FRMPD4: variants seen among roughly 807,000 people sequenced by gnomAD.
FRMPD4 encodes the protein FERM and PDZ domain containing 4.
Under a neutral mutation model 94.1 loss-of-function variants are expected in FRMPD4, and 22 were observed. The ratio of observed to expected loss-of-function variants is 0.23; its 90% CI spans 0.17 to 0.33. FRMPD4 has a LOEUF of 0.33. Among genes scored for constraint, FRMPD4 ranks in the 10% least tolerant of loss-of-function variants. The pLI, the probability that FRMPD4 is intolerant of heterozygous loss-of-function variation, is 1.00. For missense variants in FRMPD4, 1,111 were observed against 1,339.9 expected (o/e 0.83, Z 2.67); for synonymous variants, 631 against 548.6 (o/e 1.15, Z -2.10).
intron 1 of FRMPD4, among the ~76,000 whole-genome samples, chrX:12,475,484 A>C (rs916505075): frequency 8.1e-5 from 9 of 111,718 alleles, no homozygotes; most frequent in African/African-American, 2.9e-4. Context: ...AGGAGAAGGA[A>C]ATAAAGGGTA....
intron 1 of FRMPD4, among the ~76,000 whole-genome samples, chrX:12,467,066 C>G (rs956029455): frequency 9.1e-6 from 1 of 110,464 alleles, no homozygotes; most frequent in Admixed American, 9.8e-5. Context: ...TGAGTGCATG[C>G]TTGCTTGCTC....
chrX:12,069,447 T>TG (rs2054948011), intron 3 of FRMPD4, among the ~76,000 whole-genome samples: 1 of 111,923 alleles, frequency 8.9e-6, no homozygotes, highest in South Asian at 3.8e-4. Flanking sequence ...CAACTTGTGA[T>TG]GGCATCTTAA....
intron 3 of FRMPD4, among the ~76,000 whole-genome samples, chrX:12,088,656 C>CAGCT (rs994270252): frequency 8.9e-6 from 1 of 111,843 alleles, no homozygotes; most frequent in African/African-American, 3.3e-5. Context: ...CTGAGTAGAA[C>CAGCT]AGCTGTTCTT....
chrX:12,156,491 A>T (rs918905024), intron 1 of FRMPD4, among the ~76,000 whole-genome samples: 4 of 111,724 alleles, frequency 3.6e-5, no homozygotes, highest in African/African-American at 1.3e-4. Flanking sequence ...TTACGGACTG[A>T]TTCATCGGCT....
chrX:11,870,353 C>A (rs2147304946), intron 2 of FRMPD4, among the ~76,000 whole-genome samples: 1 of 112,002 alleles, frequency 8.9e-6, no homozygotes, highest in African/African-American at 3.2e-5. Context: ...TGAGCCCAGC[C>A]TGGCAACGCC....
At chrX:12,117,307 A>G (rs746278612) in intron 3 of FRMPD4, among the ~76,000 whole-genome samples, 3 of 111,289 alleles carry the variant, frequency 2.7e-5, no homozygotes, top group Non-Finnish European at 5.7e-5. Flanking sequence ...TAAAATTTCA[A>G]TAGTTTTGGG....
chrX:12,412,492 C>G (rs2148068831), intron 1 of FRMPD4, among the ~76,000 whole-genome samples: 1 of 112,361 alleles, frequency 8.9e-6, no homozygotes, highest in Non-Finnish European at 1.9e-5. Flanking sequence ...AACTCTTAAT[C>G]CATATTCTGG....
At position 12,364,125 on chromosome X, in the gene FRMPD4, A is replaced by C. The variant is rs757482033; in HGVS notation, c.42-134555A>C. ...TGAGGAATCAGATCCTCCACCCCCA[A>C]GCCCTACCCCACTGCCACACACACA... On this transcript the variant is annotated intron_variant, in intron 1 of 16. Transcript: ENST00000675598. 4.5e-5 allele frequency among the ~76,000 whole-genome samples: 5 copies of C among 110,406 alleles called. No individual in the cohort carries two copies. The East Asian group carries it at 8.5e-4, about 19-fold the overall frequency.
At chrX:11,871,732 T>C (rs1184618577) in intron 2 of FRMPD4, among the ~76,000 whole-genome samples, 2 of 110,273 alleles carry the variant, frequency 1.8e-5, no homozygotes, top group African/African-American at 6.6e-5. Context: ...GTGGAGAGAG[T>C]GAAGTGGACC....
At chrX:11,974,394 C>T (rs1251292634) in intron 3 of FRMPD4, among the ~76,000 whole-genome samples, 1 of 112,026 alleles carries the variant, frequency 8.9e-6, no homozygotes, top group Non-Finnish European at 1.9e-5. Context: ...TTCCTTTCAC[C>T]TTCTGCCATG....
chrX:12,195,681 G>A lies in FRMPD4; in HGVS notation c.41+56669G>A, dbSNP rs2056558922. 2.7e-5 allele frequency among the ~76,000 whole-genome samples: 3 copies of A among 111,777 alleles called. No homozygotes were observed. The Admixed American group carries it at 2.8e-4, about 11-fold the overall frequency. Reference sequence around the variant, plus strand: ...TCCCAGGTGGGAAAAACAACCGATTGTGTAGGGAACTTTTCAGAAGCTGAG... The same window carrying A: ...TCCCAGGTGGGAAAAACAACCGATTATGTAGGGAACTTTTCAGAAGCTGAG... On this transcript the variant is annotated intron_variant, in intron 1 of 16. Transcript: ENST00000675598.
rs868606756 is a variant in FRMPD4 at position 12,718,439 on chromosome X, G to C, written c.3613G>C (p.Glu1205Gln). Residue 1205 changes from glutamate to glutamine, a missense_variant, in exon 16 of 17, where the codon GAG (glutamate) becomes CAG (glutamine). By Grantham distance (29) the Glu-to-Gln change is conservative (BLOSUM62 2). Coordinates refer to ENST00000675598, the MANE Select transcript of FRMPD4 (RefSeq NM_001368397.1). Reference protein sequence around the residue: ...LAKRMSSLQSEGHFSLQSSQG... With the variant: ...LAKRMSSLQSQGHFSLQSSQG... ...CAAGCGGATGTCATCACTGCAAAGC[G>C]AGGGCCATTTTTCTCTGCAGAGCTC... 1 of 1,208,517 alleles carries C rather than the reference G, an allele frequency of 8.3e-7. No homozygotes were observed. The highest frequency in any genetic ancestry group is 1.1e-6 in the Non-Finnish European group (1 of 893,655).
intron 5 of FRMPD4, among the ~76,000 whole-genome samples, chrX:12,677,895 T>A (rs1343562817): frequency 8.9e-6 from 1 of 111,885 alleles, no homozygotes; most frequent in Admixed American, 9.5e-5. Context: ...AAAAGTATTA[T>A]GGTAGGCTTT....
chrX:12,432,734 A>G (rs1201078832), intron 1 of FRMPD4, among the ~76,000 whole-genome samples: 4 of 112,143 alleles, frequency 3.6e-5, no homozygotes, highest in Admixed American at 1.9e-4. Flanking sequence ...TCTTTCAATC[A>G]TAATCTCAGA....
chrX:12,132,346 A>G (rs1207910015), intron 3 of FRMPD4, among the ~76,000 whole-genome samples: 1 of 111,678 alleles, frequency 9.0e-6, no homozygotes, highest in African/African-American at 3.3e-5. Flanking sequence ...AGTCTTCTCT[A>G]TGGGAATTAG....
intron 1 of FRMPD4, among the ~76,000 whole-genome samples, chrX:12,145,648 TTGTATACTGTGGCTGC>T (rs1227796447): frequency 1.8e-5 from 2 of 113,083 alleles, no homozygotes; most frequent in Non-Finnish European, 3.7e-5. Flanking sequence ...GCCCTTTTGT[TTGTATACTGTGGCTGC>T]TCTTGGGAGA....
intron 1 of FRMPD4, among the ~76,000 whole-genome samples, chrX:12,479,438 A>ATATATGTATATATATG (rs1569293621): frequency 5.9e-5 from 6 of 101,637 alleles, no homozygotes; most frequent in African/African-American, 1.1e-4. Context: ...ATATATACAC[A>ATATATGTATATATATG]CATATATGTA....
intron 1 of FRMPD4, among the ~76,000 whole-genome samples, chrX:12,284,140 C>T (rs920815887): frequency 3.6e-5 from 4 of 111,785 alleles, no homozygotes; most frequent in Non-Finnish European, 7.5e-5. Flanking sequence ...CAGCTATTAT[C>T]GTTGAACAGT....
At chrX:11,974,095 GA>G (rs2054354718) in intron 3 of FRMPD4, among the ~76,000 whole-genome samples, 1 of 111,664 alleles carries the variant, frequency 9.0e-6, no homozygotes, top group Admixed American at 9.5e-5. Flanking sequence ...TCAAAGTCAG[GA>G]GATAGGAAAC....
Sources: gnomAD v4.1 joint callset for allele counts (sites outside exome capture counted in the v4.1 genomes callset) on GRCh38, gnomAD v4.1.1 for gene constraint, MANE v1.5 for transcripts, NCBI Gene and HGNC (gene_info 2026-07-23, HGNC 2026-07-21) for gene names.